Variants in VPS53 observed in about 807,000 individuals in gnomAD.
VPS53 encodes vacuolar protein sorting-associated protein 53 homolog.
Under a neutral mutation model 107.0 loss-of-function variants are expected in VPS53, and 70 were observed. That is an observed-to-expected ratio of 0.65 (90% CI 0.54 to 0.80). The LOEUF is 0.80. Among genes scored for constraint, VPS53 ranks in the 30% least tolerant of loss-of-function variants. The pLI is 0.00. For missense variants in VPS53, 917 were observed against 1,049.4 expected (o/e 0.87, Z 1.74); for synonymous variants, 409 against 393.3 (o/e 1.04, Z -0.47).
chr17:562,801 A>T (rs554075818), intron 13 of VPS53, 56 bp from the exon 14 acceptor site: 2 of 1,572,968 alleles, frequency 1.3e-6, no homozygotes, highest in East Asian at 2.2e-5. Context: ...AAGTAAAGCA[A>T]ATGTGCTCGT....
At chr17:571,614 T>C (rs1914095910) in intron 13 of VPS53, among the ~76,000 whole-genome samples, 1 of 151,896 alleles carries the variant, frequency 6.6e-6, no homozygotes, top group South Asian at 2.1e-4. Context: ...ACTGTGCTGC[T>C]GCCATCTTGG....
intron 13 of VPS53, among the ~76,000 whole-genome samples, chr17:572,278 T>C (rs1333953173): frequency 2.1e-5 from 3 of 140,476 alleles, no homozygotes; most frequent in Non-Finnish European, 4.6e-5. Context: ...AGCCGCCCCA[T>C]CTGAGAAGGG....
intron 11 of VPS53, among the ~76,000 whole-genome samples, chr17:603,346 C>G (rs539352131): frequency 1.3e-5 from 2 of 152,228 alleles, no homozygotes; most frequent in Admixed American, 6.5e-5. Context: ...TGCTTGAATC[C>G]AGGAAGTGGA....
chr17:647,520 C>CTT (rs1207399116), intron 7 of VPS53, among the ~76,000 whole-genome samples: 1 of 152,212 alleles, frequency 6.6e-6, no homozygotes, highest in Non-Finnish European at 1.5e-5. Context: ...GTAGAAGGGA[C>CTT]TGCCTTCCTC....
At chr17:599,284 A>C (rs1376968433) in intron 12 of VPS53, among the ~76,000 whole-genome samples, 1 of 152,218 alleles carries the variant, frequency 6.6e-6, no homozygotes, top group African/African-American at 2.4e-5. Flanking sequence ...GGCCATGATG[A>C]CAATGGCGGC....
At chr17:637,994 C>G (rs907728273) in intron 7 of VPS53, among the ~76,000 whole-genome samples, 4 of 152,206 alleles carry the variant, frequency 2.6e-5, no homozygotes, top group Non-Finnish European at 5.9e-5. Context: ...TCTCATTGAT[C>G]TGTCTAATGT....
At chr17:578,751 G>T (rs1914888756) in intron 13 of VPS53, among the ~76,000 whole-genome samples, 1 of 151,424 alleles carries the variant, frequency 6.6e-6, no homozygotes, top group Non-Finnish European at 1.5e-5. Context: ...AGAACCTAAT[G>T]CGATCCCAGA....
chr17:613,917 C>T (rs1442549026), intron 11 of VPS53, among the ~76,000 whole-genome samples: 1 of 152,228 alleles, frequency 6.6e-6, no homozygotes, highest in East Asian at 1.9e-4. Flanking sequence ...TGTGCATCAC[C>T]CACACAACGG....
At chr17:549,696 C>G (rs1162712514) in intron 17 of VPS53, among the ~76,000 whole-genome samples, 4 of 152,276 alleles carry the variant, frequency 2.6e-5, no homozygotes, top group Admixed American at 2.6e-4. Context: ...ACAGATCCCA[C>G]TCAGGATGTA....
chr17:589,795 T>C (rs1418140403), intron 12 of VPS53, among the ~76,000 whole-genome samples: 1 of 152,184 alleles, frequency 6.6e-6, no homozygotes, highest in African/African-American at 2.4e-5. Flanking sequence ...TAGTATAGTT[T>C]GAAGTCAGGT....
Position 548,548 on chromosome 17 carries a change from CTCCACTT to C in VPS53, c.1866+3317_1866+3323del, listed in dbSNP as rs1345821041. Among the ~76,000 whole-genome samples the C allele has an allele frequency of 3.2e-4, 37 of 116,224 alleles. 3 individuals are homozygous for C. The South Asian group carries it at 6.5e-3, about 20-fold the overall frequency. 76.2% of individuals were successfully genotyped at this position (116,224 alleles called of 152,430 possible). A position where few individuals can be genotyped will look rare whatever the true frequency, so the allele number is the denominator to read the frequency against. ...CTTCTGGAATCATCCAACGACTACACTCCACTTTGGCCAGCCAACAGTCCTTCTGGAA... is the reference window on the plus strand; with the variant it reads ...CTTCTGGAATCATCCAACGACTACACTGGCCAGCCAACAGTCCTTCTGGAA... On this transcript the variant is annotated intron_variant, in intron 17 of 21. Coordinates refer to ENST00000437048, the MANE Select transcript of VPS53 (RefSeq NM_001128159.3).
chr17:572,478 G>A (rs1247712530), intron 13 of VPS53, among the ~76,000 whole-genome samples: 1 of 118,988 alleles, frequency 8.4e-6, no homozygotes, highest in Non-Finnish European at 1.7e-5. Context: ...CTGCCCGGCC[G>A]CCCCTACTGG....
chr17:684,923 G>A (rs1156715499), intron 4 of VPS53: 3 of 152,258 alleles, frequency 2.0e-5, no homozygotes, highest in South Asian at 2.1e-4. Context: ...AGGAGGCGGA[G>A]GTTGCCGTGG....
Position 519,088 on chromosome 17 carries a change from T to C in VPS53, c.*40A>G, listed in dbSNP as rs753344618. On this transcript the variant is annotated 3_prime_UTR_variant, in exon 22 of 22. Transcript: ENST00000437048. This position sits in a 1 kb window ranked among gnomAD's most constrained non-coding sequence, Gnocchi z 5.0. ...TTGGGGGCTTCTGGGGAACGGGCGC[T>C]GAGGGTCTCCAGCCAGGAGCAAAGG... 7 of 1,466,000 alleles carry C rather than the reference T, an allele frequency of 4.8e-6. No homozygotes were observed. The highest frequency in any genetic ancestry group is 2.7e-6 in the Non-Finnish European group (3 of 1,104,410). 90.8% of individuals were successfully genotyped at this position (1,466,000 alleles called of 1,614,324 possible).
intron 12 of VPS53, among the ~76,000 whole-genome samples, chr17:598,569 C>T (rs1024790312): frequency 2.6e-4 from 39 of 150,898 alleles, no homozygotes; most frequent in Non-Finnish European, 5.0e-4. Context: ...CGTCTCTGCC[C>T]GGCTGCCCAT....
At chr17:540,873 G>A (rs1910582939) in intron 17 of VPS53, among the ~76,000 whole-genome samples, 1 of 152,148 alleles carries the variant, frequency 6.6e-6, no homozygotes, top group African/African-American at 2.4e-5. Flanking sequence ...TCTGACTGAC[G>A]CTCCACAGTG....
chr17:712,295 T>C lies in VPS53; in HGVS notation c.88-1682A>G, dbSNP rs1410540585. 4.1e-5 allele frequency among the ~76,000 whole-genome samples: 6 copies of C among 148,112 alleles called. No individual in the cohort carries two copies. The Admixed American group carries it at 4.1e-4, about 10-fold the overall frequency. On this transcript the variant is annotated intron_variant, in intron 1 of 21. Transcript: ENST00000437048. Reference sequence around the variant, plus strand: ...TCCCGGGTTCAAGCAGTTCTTTGCCTCAACCTCCCGAGTAGCTGAGATTAC... The same window carrying C: ...TCCCGGGTTCAAGCAGTTCTTTGCCCCAACCTCCCGAGTAGCTGAGATTAC...
rs1035123684 is a variant in VPS53, at chr17:519,626, T to C, written c.2328+200A>G. Among the ~76,000 whole-genome samples the C allele has an allele frequency of 6.6e-6, 1 of 152,188 alleles. No individual in the cohort carries two copies. Among genetic ancestry groups the C allele is most frequent in the South Asian group, 2.1e-4 (1 of 4,832 alleles). Reference sequence around the variant, plus strand: ...CTGTGCAGGTGGTCTCAGCGGGGCATGCAGGGCCTGTCAGAATCCTGAAGT... The same window carrying C: ...CTGTGCAGGTGGTCTCAGCGGGGCACGCAGGGCCTGTCAGAATCCTGAAGT... On this transcript the variant is annotated intron_variant, in intron 21 of 21. Coordinates refer to ENST00000437048, the MANE Select transcript of VPS53 (RefSeq NM_001128159.3). This position sits in a 1 kb window ranked among gnomAD's most constrained non-coding sequence, Gnocchi z 5.0.
intron 13 of VPS53, among the ~76,000 whole-genome samples, chr17:582,267 G>C (rs1466445726): frequency 7.2e-6 from 1 of 138,516 alleles, no homozygotes; most frequent in Non-Finnish European, 1.5e-5. Context: ...TGCATTCTGA[G>C]AACCTCCCTC....
Sources: allele counts gnomAD v4.1 joint callset (sites outside exome capture counted in the v4.1 genomes callset), GRCh38; gene constraint gnomAD v4.1.1; non-coding constraint Gnocchi (gnomAD v3.1); transcripts MANE v1.5; gene names NCBI Gene and HGNC (gene_info 2026-07-23, HGNC 2026-07-21).